Variants in GPRIN1 observed in about 807,000 individuals in gnomAD.
The protein encoded by GPRIN1 is G protein regulated inducer of neurite outgrowth 1, also known as G protein-regulated inducer of neurite outgrowth 1.
A neutral mutation model predicts 2.8 loss-of-function variants in GPRIN1; 4 were observed. That is an observed-to-expected ratio of 1.45 (90% CI 0.71 to 3.32). The LOEUF is 3.32. Ranked by LOEUF, GPRIN1 falls within the 30% of genes most tolerant of loss-of-function variation. The pLI is 0.01. For missense variants in GPRIN1, 1,322 were observed against 1,343.4 expected (o/e 0.98, Z 0.25); for synonymous variants, 589 against 589.9 (o/e 1.00, Z 0.02).
Position 176,597,752 on chromosome 5 carries a change from C to A in GPRIN1, c.2083G>T (p.Asp695Tyr). The A allele has an allele frequency of 6.2e-7, 1 of 1,603,930 alleles. No individual in the cohort carries two copies. Among genetic ancestry groups the A allele is most frequent in the Non-Finnish European group, 8.5e-7 (1 of 1,175,142 alleles). ...TCCGTTTTTCTGGAAGGTGCAGAGT[C>A]GGCTTTCCCCAGGGACACAGGCTCT... ...KGEPVSLGKA[D>Y]SAPSRKTESP... The change falls in exon 2 of 2, where the codon GAC (aspartate) becomes TAC (tyrosine). Residue 695 changes from aspartate (D) to tyrosine (Y), a missense_variant. Asp to Tyr is a radical substitution (Grantham distance 160). Coordinates refer to ENST00000303991, the MANE Select transcript of GPRIN1 (RefSeq NM_052899.3). This position sits in a 1 kb window ranked among gnomAD's most constrained non-coding sequence, Gnocchi z 6.1.
chr5:176,596,495 G>A lies in GPRIN1; in HGVS notation c.*313C>T, dbSNP rs780227662. On this transcript the variant is annotated 3_prime_UTR_variant, in exon 2 of 2. Coordinates refer to ENST00000303991, the MANE Select transcript of GPRIN1 (RefSeq NM_052899.3). The surrounding 1 kb of genome is among the most constrained non-coding windows in gnomAD (Gnocchi z 5.2). ...AGGAGCCTGCCCCAGCTCTCAGGGG[G>A]TGGGAGGTGAGGGTGCTGAGCAGGC... 3.8e-5 allele frequency: 7 copies of A among 182,786 alleles called. No individual in the cohort carries two copies. The highest frequency in any genetic ancestry group is 6.8e-5 in the Non-Finnish European group (6 of 88,398). The allele number at this position is 182,786 out of a possible 1,614,324, so 11.3% of individuals were successfully genotyped here.
In GPRIN1 at chr5:176,597,383, C is replaced by G. The variant is rs1423445705; in HGVS notation, c.2452G>C (p.Ala818Pro). 13 of 1,280,708 alleles carry G rather than the reference C, an allele frequency of 1.0e-5. No homozygotes were observed. The highest frequency in any genetic ancestry group is 1.2e-5 in the Non-Finnish European group (12 of 1,017,920). The allele number at this position is 1,280,708 out of a possible 1,614,324, so 79.3% of individuals were successfully genotyped here. The change falls in exon 2 of 2, where the codon GCG (alanine) becomes CCG (proline). Residue 818 changes from alanine (A) to proline (P), a missense_variant. Physicochemically the swap from Ala to Pro is conservative, Grantham distance 27 (BLOSUM62 -1). Around this residue, in one of 3 missense-constraint regions of GPRIN1, gnomAD observed 1,117 missense variants for 1,128.6 expected, o/e 0.99. Transcript: ENST00000303991. This position sits in a 1 kb window ranked among gnomAD's most constrained non-coding sequence, Gnocchi z 6.1. Reference protein sequence around the residue: ...PREDAGTQAGAQACVSVAVSP... With the variant: ...PREDAGTQAGPQACVSVAVSP... ...ACGGCCACTGAGACGCAGGCCTGCGCGCCCGCCTGAGTGCCCGCGTCCTCG... is the reference window on the plus strand; with the variant it reads ...ACGGCCACTGAGACGCAGGCCTGCGGGCCCGCCTGAGTGCCCGCGTCCTCG...
At chr5:176,605,652 T>C (rs1759211943) in intron 1 of GPRIN1, among the ~76,000 whole-genome samples, 1 of 151,242 alleles carries the variant, frequency 6.6e-6, no homozygotes, top group Non-Finnish European at 1.5e-5. Flanking sequence ...AAACTTTAAA[T>C]TAAAATTAAA....
chr5:176,597,585 C>T lies in GPRIN1; in HGVS notation c.2250G>A (p.Pro750=), dbSNP rs1161547833. ...GARGSEGRVE[P]KAEPVSSTEA... ...CGGTGCTGGACACGGGCTCGGCCTT[C>T]GGCTCCACGCGGCCTTCACTGCCCC... The change falls in exon 2 of 2, where the codon CCG becomes CCA. Residue 750 remains proline, a synonymous_variant. Transcript: ENST00000303991. This position sits in a 1 kb window ranked among gnomAD's most constrained non-coding sequence, Gnocchi z 6.1. 3 of 1,595,950 alleles carry T rather than the reference C, an allele frequency of 1.9e-6. No homozygotes were observed. Among genetic ancestry groups the T allele is most frequent in the Non-Finnish European group, 2.5e-6 (3 of 1,177,754 alleles).
chr5:176,600,352 C>T (rs1478173330), intron 1 of GPRIN1, among the ~76,000 whole-genome samples: 1 of 152,078 alleles, frequency 6.6e-6, no homozygotes, highest in African/African-American at 2.4e-5. Context: ...ATCCGCCCAC[C>T]TCAGCCTCCC....
In GPRIN1 at chr5:176,595,962, G is replaced by A. The variant is rs1275396703; in HGVS notation, c.*846C>T. On this transcript the variant is annotated 3_prime_UTR_variant, in exon 2 of 2. Coordinates refer to ENST00000303991, the MANE Select transcript of GPRIN1 (RefSeq NM_052899.3). ...AGGGTGGCCTTTAAAAGACAACTGT[G>A]GTTATAGAATGAGCTCTCTGTCCTG... The A allele has an allele frequency of 6.9e-6, 2 of 289,486 alleles. No homozygotes were observed. The highest frequency in any genetic ancestry group is 1.3e-5 in the Non-Finnish European group (2 of 156,698). 17.9% of individuals were successfully genotyped at this position (289,486 alleles called of 1,614,324 possible).
chr5:176,597,416 G>GCGGCGGGGCGCTCGCCTCCCACGA lies in GPRIN1; in HGVS notation c.2395_2418dup (p.Ser799_Pro806dup), dbSNP rs1759059523. The GCGGCGGGGCGCTCGCCTCCCACGA allele has an allele frequency of 7.7e-7, 1 of 1,294,370 alleles. No individual in the cohort carries two copies. The allele number at this position is 1,294,370 out of a possible 1,614,324, so 80.2% of individuals were successfully genotyped here. On this transcript the variant is annotated inframe_insertion, in exon 2 of 2. Coordinates refer to ENST00000303991, the MANE Select transcript of GPRIN1 (RefSeq NM_052899.3). This position sits in a 1 kb window ranked among gnomAD's most constrained non-coding sequence, Gnocchi z 6.1. ...TGAGTGCCCGCGTCCTCGCGCGGCG[G>GCGGCGGGGCGCTCGCCTCCCACGA]CGGCGGGGCGCTCGCCTCCCACGAC... is the stretch of plus-strand genomic sequence containing the variant.
At chr5:176,605,106 T>G (rs1759204720) in intron 1 of GPRIN1, among the ~76,000 whole-genome samples, 1 of 151,362 alleles carries the variant, frequency 6.6e-6, no homozygotes, top group African/African-American at 2.4e-5. Context: ...TTTTTTTTTT[T>G]TTTTTGAGAC....
In GPRIN1 at chr5:176,610,045, C is replaced by CCCG. The variant is rs574346030; in HGVS notation, c.-93_-91dup. 47,321 of 151,612 alleles carry CCCG rather than the reference C, an allele frequency of 0.31. 9,108 individuals are homozygous for CCCG. Among genetic ancestry groups the CCCG allele is most frequent in the Non-Finnish European group, 0.43 (29,467 of 68,822 alleles). The allele number at this position is 151,612 out of a possible 1,614,324, so 9.4% of individuals were successfully genotyped here. ...CTCCTGGGCGAGATGCGCTCCGGCT[C>CCCG]CCGCCGCCGCCGCCGCCGCCGCCCG... is the stretch of plus-strand genomic sequence containing the variant. On this transcript the variant is annotated 5_prime_UTR_variant, in exon 1 of 2. Transcript: ENST00000303991.
At position 176,596,723 on chromosome 5, in the gene GPRIN1, C is replaced by T. The variant is rs1313035281; in HGVS notation, c.*85G>A. On this transcript the variant is annotated 3_prime_UTR_variant, in exon 2 of 2. Coordinates refer to ENST00000303991, the MANE Select transcript of GPRIN1 (RefSeq NM_052899.3). This position sits in a 1 kb window ranked among gnomAD's most constrained non-coding sequence, Gnocchi z 5.2. ...CACAACCCCTCGGAGGCCTGTGGCA[C>T]GCAGAGGGGACCCCTTCTAGGGGCC... 5.9e-6 allele frequency: 7 copies of T among 1,188,556 alleles called. No individual in the cohort carries two copies. Among genetic ancestry groups the T allele is most frequent in the Non-Finnish European group, 6.4e-6 (6 of 932,112 alleles). The allele number at this position is 1,188,556 out of a possible 1,614,324, so 73.6% of individuals were successfully genotyped here.
intron 1 of GPRIN1, among the ~76,000 whole-genome samples, chr5:176,609,768 A>ACCCGCC (rs1300572823): frequency 3.4e-5 from 5 of 148,570 alleles, no homozygotes; most frequent in African/African-American, 7.4e-5. Flanking sequence ...GGGCTGCGGG[A>ACCCGCC]CCCGCCCCCG....
At position 176,602,177 on chromosome 5, in the gene GPRIN1, G is replaced by A. The variant is rs1759157675; in HGVS notation, c.-43-2300C>T. On this transcript the variant is annotated intron_variant, in intron 1 of 1. Transcript: ENST00000303991. The surrounding 1 kb of genome is among the most constrained non-coding windows in gnomAD (Gnocchi z 4.4). ...CTGCCTCCATGCCTTGGCGCTGCCT[G>A]CTTCTTCTGCATGGAGAGATTTCTC... Among the ~76,000 whole-genome samples, 1 of 152,160 alleles carries A rather than the reference G, an allele frequency of 6.6e-6. No homozygotes were observed. Among genetic ancestry groups the A allele is most frequent in the Admixed American group, 6.5e-5 (1 of 15,278 alleles).
At chr5:176,609,133 C>G (rs1180030357) in intron 1 of GPRIN1, among the ~76,000 whole-genome samples, 3 of 152,198 alleles carry the variant, frequency 2.0e-5, no homozygotes, top group Non-Finnish European at 2.9e-5. Context: ...GAGTGGGCAG[C>G]ACGCTAAGAG....
intron 1 of GPRIN1, among the ~76,000 whole-genome samples, chr5:176,609,248 C>A (rs748060507): frequency 5.9e-5 from 9 of 152,150 alleles, no homozygotes; most frequent in Non-Finnish European, 1.2e-4. Context: ...CAGGCCAGGG[C>A]AGGGTGGCCC....
Position 176,597,461 on chromosome 5 carries a change from C to A in GPRIN1, c.2374G>T (p.Asp792Tyr), listed in dbSNP as rs1330715638. The change falls in exon 2 of 2, where the codon GAC (aspartate) becomes TAC (tyrosine). Residue 792 changes from aspartate (D) to tyrosine (Y), a missense_variant. Asp to Tyr is a radical substitution (Grantham distance 160). Coordinates refer to ENST00000303991, the MANE Select transcript of GPRIN1 (RefSeq NM_052899.3). This position sits in a 1 kb window ranked among gnomAD's most constrained non-coding sequence, Gnocchi z 6.1. ...CACGACGGCGCCTTGGTGAAGTTGT[C>A]GCGAGTCCGCGGCCCCGGCGGGGGC... ...AAPPPGPRTRDNFTKAPSWEA... is the reference protein window; with the variant it reads ...AAPPPGPRTRYNFTKAPSWEA... 5 of 1,321,750 alleles carry A rather than the reference C, an allele frequency of 3.8e-6. No individual in the cohort carries two copies. The East Asian group carries it at 9.2e-5, about 24-fold the overall frequency. 81.9% of individuals were successfully genotyped at this position (1,321,750 alleles called of 1,614,324 possible). A position where few individuals can be genotyped will look rare whatever the true frequency, so the allele number is the denominator to read the frequency against.
Position 176,596,907 on chromosome 5 carries a change from T to C in GPRIN1, c.2928A>G (p.Pro976=). The C allele has an allele frequency of 2.5e-6, 3 of 1,221,164 alleles. No individual in the cohort carries two copies. The highest frequency in any genetic ancestry group is 2.2e-4 in the Middle Eastern group (1 of 4,526). 75.6% of individuals were successfully genotyped at this position (1,221,164 alleles called of 1,614,324 possible). ...CGGGCGGACGCTTGGCGGCGCCATCTGGGGGCGCGGTGCGCACCGAGCCCG... is the reference window on the plus strand; with the variant it reads ...CGGGCGGACGCTTGGCGGCGCCATCCGGGGGCGCGGTGCGCACCGAGCCCG... The part of the protein sequence containing the change: ...GRSGSVRTAP[P]DGAAKRPPGL... The change falls in exon 2 of 2, where the codon CCA becomes CCG. Residue 976 remains proline, a synonymous_variant. Coordinates refer to ENST00000303991, the MANE Select transcript of GPRIN1 (RefSeq NM_052899.3). The surrounding 1 kb of genome is among the most constrained non-coding windows in gnomAD (Gnocchi z 5.2).
rs567367377 is a variant in GPRIN1, at chr5:176,598,841, C to G, written c.994G>C (p.Val332Leu). Residue 332 changes from valine (V) to leucine (L), a missense_variant, in exon 2 of 2, where the codon GTA becomes CTA. By Grantham distance (32) the Val-to-Leu change is conservative. Coordinates refer to ENST00000303991, the MANE Select transcript of GPRIN1 (RefSeq NM_052899.3). ...IPGSSGKNGP[V>L]SSGTGAPGSL... The stretch of plus-strand genomic sequence containing the variant: ...CCAGGAGCCCCGGTCCCAGAGGATA[C>G]AGGCCCATTCTTGCCTGATGAGCCT... 45 of 1,613,726 alleles carry G rather than the reference C, an allele frequency of 2.8e-5. No homozygotes were observed. The African/African-American group carries it at 3.6e-4, about 13-fold the overall frequency.
In GPRIN1 at chr5:176,599,685, T is replaced by C. The variant is rs764218735; in HGVS notation, c.150A>G (p.Gln50=). The C allele has an allele frequency of 5.1e-6, 8 of 1,570,800 alleles. No homozygotes were observed. The South Asian group carries it at 9.3e-5, about 18-fold the overall frequency. ...SAMRDYCPSQ[Q]KASPAPPRHT... Reference sequence around the variant, plus strand: ...GCCTGGGGGGTGCAGGGCTTGCCTTTTGCTGGGAGGGGCAGTAATCCCTCA... The same window carrying C: ...GCCTGGGGGGTGCAGGGCTTGCCTTCTGCTGGGAGGGGCAGTAATCCCTCA... The change falls in exon 2 of 2, where the codon CAA becomes CAG. Residue 50 remains glutamine (Q), a synonymous_variant. Transcript: ENST00000303991.
chr5:176,605,389 C>T (rs1759209282), intron 1 of GPRIN1, among the ~76,000 whole-genome samples: 1 of 152,320 alleles, frequency 6.6e-6, no homozygotes, highest in Middle Eastern at 3.4e-3. Context: ...CCACCATGCC[C>T]GGCCAAAACA....
Sources: gnomAD v4.1 joint callset for allele counts (sites outside exome capture counted in the v4.1 genomes callset) on GRCh38, gnomAD v4.1.1 for gene constraint, gnomAD v4.1.1 regional missense constraint, Gnocchi (gnomAD v3.1) non-coding constraint, MANE v1.5 for transcripts, NCBI Gene and HGNC (gene_info 2026-07-23, HGNC 2026-07-21) for gene names.